HNRNPD: variants seen among roughly 807,000 people sequenced by gnomAD.
HNRNPD encodes the protein heterogeneous nuclear ribonucleoprotein D0.
Under a neutral mutation model 47.9 loss-of-function variants are expected in HNRNPD, and 3 were observed. The observed-to-expected ratio is 0.06, with a 90% CI of 0.03 to 0.16. The LOEUF (loss-of-function observed/expected upper bound fraction) is 0.16. HNRNPD is among the 10% of genes least tolerant of loss of function. The pLI, the probability that HNRNPD is intolerant of heterozygous loss-of-function variation, is 1.00. For synonymous variants in HNRNPD, 171 were observed against 165.1 expected, an observed-to-expected ratio of 1.04 and a Z score of -0.28; for missense variants, 287 against 454.2, an observed-to-expected ratio of 0.63 and a Z score of 3.35.
chr4:82,369,352 TTATTC>T (rs1277680377), intron 2 of HNRNPD, among the ~76,000 whole-genome samples: 3 of 152,198 alleles, frequency 2.0e-5, no homozygotes, highest in Non-Finnish European at 4.4e-5. Flanking sequence ...AAATAATTAC[TTATTC>T]TAAAGTCCCA....
intron 2 of HNRNPD, among the ~76,000 whole-genome samples, chr4:82,364,519 A>AT (rs1553895937): frequency 1.3e-5 from 2 of 152,210 alleles, no homozygotes; most frequent in African/African-American, 2.4e-5. Context: ...CAATGGCTTA[A>AT]TTTTTTAAAA....
At chr4:82,354,859 T>C (rs1227735496) in intron 8 of HNRNPD, 1 of 154,286 alleles carries the variant, frequency 6.5e-6, no homozygotes, top group Non-Finnish European at 1.4e-5. Context: ...CATTTTATTT[T>C]ATAATGCTGA....
In HNRNPD at chr4:82,357,341, T is replaced by C. The variant is rs1443909055; in HGVS notation, c.725A>G (p.Lys242Arg). The change falls in exon 5 of 9, where the codon AAG becomes AGG. Residue 242 changes from lysine (K) to arginine (R), a missense_variant. Around this residue, in one of 5 missense-constraint regions of HNRNPD, gnomAD observed 39 missense variants for 113.1 expected, o/e 0.34. Coordinates refer to ENST00000313899, the MANE Select transcript of HNRNPD (RefSeq NM_031370.3). ...ACTAAGACCAACATTGTGGTATTTC[T>C]TTTCCATTATCTTCTTCACTGGTTC... is the stretch of plus-strand genomic sequence containing the variant. Reference protein sequence around the residue: ...EEEPVKKIMEKKYHNVGLSKC... With the variant: ...EEEPVKKIMERKYHNVGLSKC... 1 of 1,612,376 alleles carries C rather than the reference T, an allele frequency of 6.2e-7. No individual in the cohort carries two copies. Among genetic ancestry groups the C allele is most frequent in the Non-Finnish European group, 8.5e-7 (1 of 1,179,508 alleles).
chr4:82,361,397 GTTCCAC>G (rs1719426675), intron 2 of HNRNPD, among the ~76,000 whole-genome samples: 2 of 152,160 alleles, frequency 1.3e-5, no homozygotes, highest in Non-Finnish European at 2.9e-5. Context: ...ATGACCATAA[GTTCCAC>G]AACAGAAATA....
At chr4:82,362,879 C>G (rs138501308) in intron 2 of HNRNPD, among the ~76,000 whole-genome samples, 1 of 151,938 alleles carries the variant, frequency 6.6e-6, no homozygotes, top group Admixed American at 6.6e-5. Context: ...GGATTACAGG[C>G]GGAAGCTACC....
In HNRNPD at chr4:82,373,853, C is replaced by T. The variant is rs1026381549; in HGVS notation, c.-175G>A. The T allele has an allele frequency of 5.1e-6, 7 of 1,378,342 alleles. No homozygotes were observed. Among genetic ancestry groups the T allele is most frequent in the Non-Finnish European group, 6.7e-6 (7 of 1,049,844 alleles). 85.4% of individuals were successfully genotyped at this position (1,378,342 alleles called of 1,614,324 possible). A position where few individuals can be genotyped will look rare whatever the true frequency, so the allele number is the denominator to read the frequency against. ...GCTCCTGCGCCTCTCCCTGGCCTGC[C>T]CCCTTCGCCTCCCACTCTCGCGCGG... On this transcript the variant is annotated 5_prime_UTR_variant, in exon 1 of 9. Coordinates refer to ENST00000313899, the MANE Select transcript of HNRNPD (RefSeq NM_031370.3).
In HNRNPD at chr4:82,358,624, T is replaced by C. The variant is rs776554066; in HGVS notation, c.621+35A>G. The C allele has an allele frequency of 8.2e-6, 13 of 1,580,224 alleles. No individual in the cohort carries two copies. The South Asian group carries it at 1.5e-4, about 18-fold the overall frequency. ...TGGGACAATCACATTCACACTAATTTTGACATAAACTGGGTCAAAACATTT... is the reference window on the plus strand; with the variant it reads ...TGGGACAATCACATTCACACTAATTCTGACATAAACTGGGTCAAAACATTT... On this transcript the variant is annotated intron_variant, in intron 4 of 8. Transcript: ENST00000313899.
chr4:82,365,746 G>C (rs536531548), intron 2 of HNRNPD, among the ~76,000 whole-genome samples: 1 of 150,926 alleles, frequency 6.6e-6, no homozygotes, highest in East Asian at 1.9e-4. Context: ...CTGAGACTAT[G>C]GGTGCACACC....
intron 2 of HNRNPD, among the ~76,000 whole-genome samples, chr4:82,362,666 A>C (rs2556544): frequency 6.6e-6 from 1 of 151,884 alleles, no homozygotes; most frequent in East Asian, 1.9e-4. Context: ...GCAGTGGCAC[A>C]ATCTCAGCTC....
At position 82,373,614 on chromosome 4, in the gene HNRNPD, G is replaced by A. The variant is rs1452602084; in HGVS notation, c.65C>T (p.Ser22Leu). 3.9e-6 allele frequency: 6 copies of A among 1,526,318 alleles called. No individual in the cohort carries two copies. The highest frequency in any genetic ancestry group is 5.1e-5 in the East Asian group (2 of 39,380). 94.5% of individuals were successfully genotyped at this position (1,526,318 alleles called of 1,614,324 possible). ...CATGGCTCCCTCCTGCTCGCCCGCCGAGCCGCCTACCGCCGCCGTTGCCGC... is the reference window on the plus strand; with the variant it reads ...CATGGCTCCCTCCTGCTCGCCCGCCAAGCCGCCTACCGCCGCCGTTGCCGC... Reference protein sequence around the residue: ...AAAATAAVGGSAGEQEGAMVA... With the variant: ...AAAATAAVGGLAGEQEGAMVA... The change falls in exon 1 of 9, where the codon TCG becomes TTG. Residue 22 changes from serine to leucine, a missense_variant. Transcript: ENST00000313899.
At chr4:82,354,281 A>G (rs1367764531) in intron 8 of HNRNPD, 127 bp from the exon 9 acceptor site, 5 of 152,244 alleles carry the variant, frequency 3.3e-5, no homozygotes, top group African/African-American at 7.2e-5. Flanking sequence ...TAAATGTGTG[A>G]TATGTTTTAT....
rs577404844 is a variant in HNRNPD, at chr4:82,353,219, G to C, written c.*966C>G. 1 of 152,080 alleles carries C rather than the reference G, an allele frequency of 6.6e-6. No homozygotes were observed. The highest frequency in any genetic ancestry group is 2.4e-5 in the African/African-American group (1 of 41,496). 9.4% of individuals were successfully genotyped at this position (152,080 alleles called of 1,614,324 possible). On this transcript the variant is annotated 3_prime_UTR_variant, in exon 9 of 9. Transcript: ENST00000313899. Reference sequence around the variant, plus strand: ...AAGAGTGACTCAAAAAGTTCCTTAGGCACACATACTAATAATCACAGTCCT... The same window carrying C: ...AAGAGTGACTCAAAAAGTTCCTTAGCCACACATACTAATAATCACAGTCCT...
chr4:82,364,073 C>T (rs1014927586), intron 2 of HNRNPD, among the ~76,000 whole-genome samples: 1 of 152,114 alleles, frequency 6.6e-6, no homozygotes, highest in African/African-American at 2.4e-5. Flanking sequence ...ACCTCCTGGG[C>T]TCAGTTGGTC....
At chr4:82,369,410 C>A (rs1578056712) in intron 2 of HNRNPD, among the ~76,000 whole-genome samples, 1 of 152,106 alleles carries the variant, frequency 6.6e-6, no homozygotes, top group Admixed American at 6.5e-5. Flanking sequence ...AACAGGCATG[C>A]CTTCCTAAAA....
chr4:82,358,716 G>C lies in HNRNPD; in HGVS notation c.564C>G (p.Gly188=). ...TCTCTTCAGGTGTATCTGGAGAAAG[G>C]CCACCAACAAAAATTTTTTTAACCG... is the stretch of plus-strand genomic sequence containing the variant. The part of the protein sequence containing the change: ...KEPVKKIFVG[G]LSPDTPEEKI... The change falls in exon 4 of 9, where the codon GGC becomes GGG. Residue 188 remains glycine (G), a synonymous_variant. Transcript: ENST00000313899. 1.9e-6 allele frequency: 3 copies of C among 1,612,412 alleles called. No homozygotes were observed. The highest frequency in any genetic ancestry group is 2.5e-6 in the Non-Finnish European group (3 of 1,179,822).
At chr4:82,361,578 G>A (rs183297315) in intron 2 of HNRNPD, among the ~76,000 whole-genome samples, 9 of 152,026 alleles carry the variant, frequency 5.9e-5, no homozygotes, top group Admixed American at 1.3e-4. Context: ...TCTCTGTCTG[G>A]TCTATTCAGA....
rs369520013 is a variant in HNRNPD, at chr4:82,373,653, T to C, written c.26A>G (p.Asp9Gly). Residue 9 changes from aspartate to glycine, a missense_variant, in exon 1 of 9, where the codon GAC (aspartate) becomes GGC (glycine). This residue lies in a region of HNRNPD where 161 missense variants were observed against 137.1 expected (regional missense o/e 1.17). Coordinates refer to ENST00000313899, the MANE Select transcript of HNRNPD (RefSeq NM_031370.3). Reference protein sequence around the residue: MSEEQFGGDGAAAAATAAV... With the variant: MSEEQFGGGGAAAAATAAV... ...CGCCGTTGCCGCTGCCGCCGCCCCGTCCCCGCCGAACTGCTCCTCCGACAT... is the reference window on the plus strand; with the variant it reads ...CGCCGTTGCCGCTGCCGCCGCCCCGCCCCCGCCGAACTGCTCCTCCGACAT... The C allele has an allele frequency of 6.6e-7, 1 of 1,522,204 alleles. No individual in the cohort carries two copies. The highest frequency in any genetic ancestry group is 8.8e-7 in the Non-Finnish European group (1 of 1,141,964). The allele number at this position is 1,522,204 out of a possible 1,614,324, so 94.3% of individuals were successfully genotyped here.
At chr4:82,369,713 A>T (rs1719942711) in intron 2 of HNRNPD, among the ~76,000 whole-genome samples, 1 of 152,102 alleles carries the variant, frequency 6.6e-6, no homozygotes. Context: ...GAGAGAAAAA[A>T]GTCTGAAAGT....
At chr4:82,361,764 A>T (rs186538569) in intron 2 of HNRNPD, among the ~76,000 whole-genome samples, 1 of 152,188 alleles carries the variant, frequency 6.6e-6, no homozygotes, top group Non-Finnish European at 1.5e-5. Context: ...TTCAGACAAG[A>T]AGCAGATTTT....
Sources: gnomAD v4.1 joint callset for allele counts (sites outside exome capture counted in the v4.1 genomes callset) on GRCh38, gnomAD v4.1.1 for gene constraint, gnomAD v4.1.1 regional missense constraint, MANE v1.5 for transcripts, NCBI Gene and HGNC (gene_info 2026-07-23, HGNC 2026-07-21) for gene names.